The following DOK7 variants were observed in gnomAD, a reference collection of about 807,000 sequenced individuals.
DOK7 encodes the protein docking protein 7.
Under a neutral mutation model 30.7 loss-of-function variants are expected in DOK7, and 32 were observed. The ratio of observed to expected loss-of-function variants is 1.04; its 90% CI spans 0.79 to 1.40. The LOEUF (loss-of-function observed/expected upper bound fraction) is 1.40, where lower values mean the gene tolerates loss of function less well. DOK7 is among the 40% of genes most tolerant of loss of function. The probability of loss-of-function intolerance (pLI) is 0.00; values close to 1 mark genes in which losing one functional copy is unlikely to be tolerated. For missense variants in DOK7, 1,007 were observed against 699.2 expected (o/e 1.44, Z -4.97); for synonymous variants, 447 against 324.1 (o/e 1.38, Z -4.07).
rs1221816417 is a variant in DOK7, at chr4:3,493,796, G to A, written c.*295G>A. The stretch of plus-strand genomic sequence containing the variant: ...CCCCACCCCTGAGGATCAGGTGAGT[G>A]CTGCACCTCTGTTGGCTCGTGCCTT... On this transcript the variant is annotated 3_prime_UTR_variant, in exon 7 of 7. Coordinates refer to ENST00000340083, the MANE Select transcript of DOK7 (RefSeq NM_173660.5). The A allele has an allele frequency of 3.8e-5, 51 of 1,336,318 alleles. No homozygotes were observed. The highest frequency in any genetic ancestry group is 3.1e-5 in the East Asian group (1 of 32,496). The allele number at this position is 1,336,318 out of a possible 1,614,324, so 82.8% of individuals were successfully genotyped here. A position where few individuals can be genotyped will look rare whatever the true frequency, so the allele number is the denominator to read the frequency against.
At chr4:3,484,063 T>C (rs1474864004) in intron 4 of DOK7, among the ~76,000 whole-genome samples, 2 of 152,096 alleles carry the variant, frequency 1.3e-5, no homozygotes, top group Non-Finnish European at 2.9e-5. Context: ...GGCCAGAAGG[T>C]GCACAGGGGG....
intron 3 of DOK7, among the ~76,000 whole-genome samples, chr4:3,474,141 C>G (rs1007635623): frequency 2.0e-5 from 3 of 152,036 alleles, no homozygotes; most frequent in African/African-American, 4.8e-5. Context: ...GCAGGGGCTT[C>G]GAATGGGTGC....
chr4:3,469,696 C>T (rs1195965490), intron 2 of DOK7, among the ~76,000 whole-genome samples: 12 of 152,214 alleles, frequency 7.9e-5, no homozygotes, highest in Admixed American at 5.9e-4. Flanking sequence ...TCTGGTGTCC[C>T]GGCCTTGACC....
In DOK7 at chr4:3,493,496, CCTT is replaced by C. The variant is rs762345055; in HGVS notation, c.1511_1513del (p.Pro504_Ter505delinsArg). The C allele has an allele frequency of 1.6e-5, 26 of 1,610,948 alleles. No individual in the cohort carries two copies. The highest frequency in any genetic ancestry group is 8.9e-5 in the East Asian group (4 of 44,826). ...TGGAGGACTCAAGGTAAACCCCCCT[CCTT>C]GAGAGCCGCAGATCCCGCCCCGCGG... On this transcript the variant is annotated stop_lost and inframe_deletion, in exon 7 of 7. Coordinates refer to ENST00000340083, the MANE Select transcript of DOK7 (RefSeq NM_173660.5).
intron 2 of DOK7, among the ~76,000 whole-genome samples, chr4:3,471,865 A>T (rs1160908857): frequency 6.6e-6 from 1 of 152,228 alleles, no homozygotes; most frequent in Admixed American, 6.5e-5. Flanking sequence ...TTCTAGCTGT[A>T]AACGTTTCAG....
intron 4 of DOK7, among the ~76,000 whole-genome samples, chr4:3,478,109 A>G (rs879889920): frequency 6.6e-6 from 1 of 152,022 alleles, no homozygotes; most frequent in Admixed American, 6.5e-5. Context: ...GGGGACCCAT[A>G]CCTTCCTTTC....
At chr4:3,465,825 C>A (rs749429507) in intron 2 of DOK7, among the ~76,000 whole-genome samples, 39 of 152,230 alleles carry the variant, frequency 2.6e-4, no homozygotes, top group Non-Finnish European at 4.6e-4. Context: ...CTGGGCAGGG[C>A]CCCGGGGGAG....
Position 3,482,226 on chromosome 4 carries a change from C to T in DOK7, c.533-3313C>T, listed in dbSNP as rs7655378. On this transcript the variant is annotated intron_variant, in intron 4 of 6. Coordinates refer to ENST00000340083, the MANE Select transcript of DOK7 (RefSeq NM_173660.5). ...CCCTGCCACACCTAGCGGCTGGCGG[C>T]TGTTCCCTGGCTGGCAATTCTGTGG... is the stretch of plus-strand genomic sequence containing the variant. 8.5e-3 allele frequency among the ~76,000 whole-genome samples: 1,297 copies of T among 152,368 alleles called. 19 individuals carry two copies. The highest frequency in any genetic ancestry group is 0.03 in the African/African-American group (1,244 of 41,584).
In DOK7 at chr4:3,493,993, C is replaced by CCCAG; in HGVS notation, c.*494_*495insAGCC. The CCCAG allele has an allele frequency of 2.1e-6, 2 of 972,706 alleles. No individual in the cohort carries two copies. Among genetic ancestry groups the CCCAG allele is most frequent in the South Asian group, 4.9e-5 (1 of 20,216 alleles). 60.3% of individuals were successfully genotyped at this position (972,706 alleles called of 1,614,324 possible). A position where few individuals can be genotyped will look rare whatever the true frequency, so the allele number is the denominator to read the frequency against. On this transcript the variant is annotated 3_prime_UTR_variant, in exon 7 of 7. Coordinates refer to ENST00000340083, the MANE Select transcript of DOK7 (RefSeq NM_173660.5). ...GGCCACCTGGGCTCCACCAGCCCAG[C>CCCAG]CCCCCTGGGCTCCGTGTGCGCTGGG... is the stretch of plus-strand genomic sequence containing the variant.
chr4:3,496,363 A>C (rs900706770), downstream of DOK7, among the ~76,000 whole-genome samples: 16 of 147,044 alleles, frequency 1.1e-4, no homozygotes, highest in African/African-American at 3.9e-4. Flanking sequence ...AGCTGCAGAG[A>C]GCAGGGCCCA....
intron 2 of DOK7, among the ~76,000 whole-genome samples, chr4:3,468,768 GCA>G (rs1726524639): frequency 4.0e-5 from 6 of 150,098 alleles, no homozygotes; most frequent in East Asian, 2.0e-4. Flanking sequence ...GTGTGTGTGT[GCA>G]TGTATGTGTG....
downstream of DOK7, among the ~76,000 whole-genome samples, chr4:3,497,767 G>C (rs966079731): frequency 2.0e-5 from 3 of 152,076 alleles, no homozygotes; most frequent in African/African-American, 4.8e-5. Flanking sequence ...CAGGCAGGCA[G>C]GGGCAGCTTG....
In DOK7 at chr4:3,493,388, G is replaced by A. The variant is rs774716969; in HGVS notation, c.1402G>A (p.Gly468Ser). The change falls in exon 7 of 7, where the codon GGC becomes AGC. Residue 468 changes from glycine to serine, a missense_variant. Transcript: ENST00000340083. ...CCAGGGCAGCGAGGCCACACTGCCTGGCCCTGCCCCTGGCGAGCCCTGGGA... is the reference window on the plus strand; with the variant it reads ...CCAGGGCAGCGAGGCCACACTGCCTAGCCCTGCCCCTGGCGAGCCCTGGGA... ...APQGSEATLPGPAPGEPWEAG... is the reference protein window; with the variant it reads ...APQGSEATLPSPAPGEPWEAG... 2 of 1,595,036 alleles carry A rather than the reference G, an allele frequency of 1.3e-6. No homozygotes were observed. Among genetic ancestry groups the A allele is most frequent in the South Asian group, 1.1e-5 (1 of 89,088 alleles).
intron 5 of DOK7, among the ~76,000 whole-genome samples, chr4:3,488,510 C>T (rs1013807002): frequency 2.0e-5 from 3 of 152,248 alleles, no homozygotes; most frequent in African/African-American, 7.2e-5. Flanking sequence ...GTCGGGACGT[C>T]TGGCTCCAGC....
At chr4:3,470,080 G>A (rs1004206577) in intron 2 of DOK7, among the ~76,000 whole-genome samples, 3 of 152,216 alleles carry the variant, frequency 2.0e-5, no homozygotes, top group Admixed American at 2.0e-4. Context: ...CGAGGGGCCC[G>A]TAGGGCCACG....
downstream of DOK7, among the ~76,000 whole-genome samples, chr4:3,497,161 G>A (rs796991074): frequency 1.3e-5 from 2 of 152,158 alleles, no homozygotes; most frequent in African/African-American, 4.8e-5. Flanking sequence ...CTGGAGGATG[G>A]ACTGAAGGTT....
chr4:3,496,954 G>A (rs62272696), downstream of DOK7: 17 of 478,160 alleles, frequency 3.6e-5, no homozygotes, highest in Non-Finnish European at 5.4e-5. Flanking sequence ...GACTAGATGG[G>A]GAGGGGGGAG....
At chr4:3,486,840 G>T (rs1727834091) in intron 5 of DOK7, among the ~76,000 whole-genome samples, 2 of 152,146 alleles carry the variant, frequency 1.3e-5, no homozygotes, top group Admixed American at 6.5e-5. Context: ...GGTGTGCAGA[G>T]TGCAGGGCGG....
chr4:3,475,647 G>T (rs1727010569), intron 3 of DOK7, among the ~76,000 whole-genome samples: 1 of 152,116 alleles, frequency 6.6e-6, no homozygotes, highest in African/African-American at 2.4e-5. Flanking sequence ...GTGCCCTGAG[G>T]TTCCCGTGGC....
Sources: gnomAD v4.1 joint callset for allele counts (sites outside exome capture counted in the v4.1 genomes callset) on GRCh38, gnomAD v4.1.1 for gene constraint, MANE v1.5 for transcripts, NCBI Gene and HGNC (gene_info 2026-07-23, HGNC 2026-07-21) for gene names.